PCBP3: variants seen among roughly 807,000 people sequenced by gnomAD.
The protein encoded by PCBP3 is poly(rC) binding protein 3, also known as poly(rC)-binding protein 3.
PCBP3 carries 25 observed loss-of-function variants against 52.7 expected under a neutral mutation model. The ratio of observed to expected loss-of-function variants is 0.47; its 90% CI spans 0.35 to 0.66. The LOEUF (loss-of-function observed/expected upper bound fraction) is 0.66. PCBP3 is among the 30% of genes least tolerant of loss of function. PCBP3 has a pLI of 0.01. For missense variants in PCBP3, 391 were observed against 490.3 expected, an observed-to-expected ratio of 0.80 and a Z score of 1.91; for synonymous variants, 162 against 183.0, an observed-to-expected ratio of 0.89 and a Z score of 0.93.
At chr21:45,873,667 G>A (rs1350570654) in intron 5 of PCBP3, among the ~76,000 whole-genome samples, 2 of 152,190 alleles carry the variant, frequency 1.3e-5, no homozygotes, top group African/African-American at 4.8e-5. Context: ...CCGTGCAGGG[G>A]ACCACGCGCT....
intron 2 of PCBP3, among the ~76,000 whole-genome samples, chr21:45,686,932 GAGA>G (rs1245920534): frequency 6.6e-6 from 1 of 152,140 alleles, no homozygotes; most frequent in African/African-American, 2.4e-5. Context: ...AGAAGAGGAG[GAGA>G]AGAAGGTGTG....
At chr21:45,666,991 G>A (rs924669636) in intron 1 of PCBP3, among the ~76,000 whole-genome samples, 2 of 151,968 alleles carry the variant, frequency 1.3e-5, no homozygotes, top group African/African-American at 4.8e-5. Context: ...TCAGATCTGG[G>A]AGGTTTTCAA....
At chr21:45,665,143 T>A (rs2080710047) in intron 1 of PCBP3, among the ~76,000 whole-genome samples, 2 of 152,122 alleles carry the variant, frequency 1.3e-5, no homozygotes, top group Admixed American at 1.3e-4. Context: ...GGTTCATGCC[T>A]ATAATTCCAG....
chr21:45,886,468 C>T (rs2095526069), intron 5 of PCBP3, among the ~76,000 whole-genome samples: 1 of 146,590 alleles, frequency 6.8e-6, no homozygotes, highest in Admixed American at 6.7e-5. Flanking sequence ...GAGGAGGCCT[C>T]ATTGCCGCGG....
In PCBP3 at chr21:45,909,499, T is replaced by A; in HGVS notation, c.471+13T>A. ...GGAGATCAGGGAGGTAACAGGACCT[T>A]CCCAGCCTGGGCCGCTGCGGAGCCT... On this transcript the variant is annotated intron_variant, in intron 10 of 17. Coordinates refer to ENST00000681687, the MANE Select transcript of PCBP3 (RefSeq NM_001384156.1). 6.2e-7 allele frequency: 1 copy of A among 1,611,106 alleles called. No homozygotes were observed.
At chr21:45,782,037 A>G (rs569376611) in intron 4 of PCBP3, among the ~76,000 whole-genome samples, 3 of 143,732 alleles carry the variant, frequency 2.1e-5, no homozygotes, top group South Asian at 5.1e-4. Flanking sequence ...ATTCCATTAT[A>G]TATCTCAAAG....
intron 1 of PCBP3, among the ~76,000 whole-genome samples, chr21:45,660,971 G>T (rs1193598752): frequency 6.6e-6 from 1 of 152,010 alleles, no homozygotes; most frequent in Non-Finnish European, 1.5e-5. Context: ...AACCCAGGAG[G>T]CAGAGGTTGC....
intron 9 of PCBP3, among the ~76,000 whole-genome samples, chr21:45,907,803 G>T (rs1001363059): frequency 6.6e-6 from 1 of 151,574 alleles, no homozygotes; most frequent in Non-Finnish European, 1.5e-5. Context: ...GTTTTAGGAG[G>T]GCTGGAAAAG....
At chr21:45,824,163 G>C (rs78452540) in intron 4 of PCBP3, among the ~76,000 whole-genome samples, 19 of 152,168 alleles carry the variant, frequency 1.2e-4, no homozygotes, top group African/African-American at 4.6e-4. Flanking sequence ...GGCAGGGGAT[G>C]TGCTGAGCCC....
At chr21:45,795,353 TTCTCTC>T (rs145062644) in intron 4 of PCBP3, among the ~76,000 whole-genome samples, 2 of 151,112 alleles carry the variant, frequency 1.3e-5, no homozygotes, top group East Asian at 3.9e-4. Flanking sequence ...TTTCTTTACC[TTCTCTC>T]TCTCTCTCCA....
At chr21:45,811,243 T>G (rs1206947101) in intron 4 of PCBP3, among the ~76,000 whole-genome samples, 2 of 152,240 alleles carry the variant, frequency 1.3e-5, no homozygotes, top group Non-Finnish European at 2.9e-5. Flanking sequence ...ACCTTTCAGT[T>G]CTGCTGATGA....
chr21:45,900,701 A>G, intron 8 of PCBP3, 78 bp downstream of exon 8: 1 of 1,085,718 alleles, frequency 9.2e-7, no homozygotes, highest in East Asian at 2.4e-5. Context: ...GCCCCTGCCG[A>G]CGTCCTGCCT....
intron 2 of PCBP3, among the ~76,000 whole-genome samples, chr21:45,708,149 A>G (rs1010719941): frequency 1.3e-5 from 2 of 152,188 alleles, no homozygotes; most frequent in Admixed American, 6.5e-5. Flanking sequence ...AAATTGGGAA[A>G]AAGCTTTAGA....
At chr21:45,707,522 A>C (rs1423708082) in intron 2 of PCBP3, among the ~76,000 whole-genome samples, 2 of 152,302 alleles carry the variant, frequency 1.3e-5, no homozygotes, top group African/African-American at 4.8e-5. Context: ...TCTCAAAAAT[A>C]AATAAATAAT....
intron 2 of PCBP3, among the ~76,000 whole-genome samples, chr21:45,688,474 C>T (rs1011073965): frequency 1.3e-5 from 2 of 152,084 alleles, no homozygotes; most frequent in African/African-American, 4.8e-5. Context: ...ACAGCTAAGG[C>T]AGTGGTTACG....
At position 45,788,016 on chromosome 21, in the gene PCBP3, C is replaced by T. The variant is rs567760592; in HGVS notation, c.-126+32564C>T. Among the ~76,000 whole-genome samples the T allele has an allele frequency of 1.3e-5, 2 of 152,196 alleles. No individual in the cohort carries two copies. Among genetic ancestry groups the T allele is most frequent in the South Asian group, 4.1e-4 (2 of 4,828 alleles). On this transcript the variant is annotated intron_variant, in intron 4 of 17. Coordinates refer to ENST00000681687, the MANE Select transcript of PCBP3 (RefSeq NM_001384156.1). This position sits in a 1 kb window ranked among gnomAD's most constrained non-coding sequence, Gnocchi z 4.3. Reference sequence around the variant, plus strand: ...AGACCTACGGGGGAAGATGGGGGCACCTACAGTTGCAAGGTGGGCACCAGT... The same window carrying T: ...AGACCTACGGGGGAAGATGGGGGCATCTACAGTTGCAAGGTGGGCACCAGT...
chr21:45,717,234 G>C (rs1407634425), intron 2 of PCBP3, among the ~76,000 whole-genome samples: 1 of 151,992 alleles, frequency 6.6e-6, no homozygotes, highest in African/African-American at 2.4e-5. Context: ...TAGTTTTTTA[G>C]TGGATTTCTT....
chr21:45,819,735 G>C, intron 4 of PCBP3, among the ~76,000 whole-genome samples: 1 of 152,228 alleles, frequency 6.6e-6, no homozygotes, highest in East Asian at 1.9e-4. Flanking sequence ...TCAAGGCCGG[G>C]GCCAGAGGGC....
At chr21:45,644,738 G>A (rs1038976998) in intron 1 of PCBP3, among the ~76,000 whole-genome samples, 1 of 152,072 alleles carries the variant, frequency 6.6e-6, no homozygotes, top group African/African-American at 2.4e-5. Flanking sequence ...AGTGGGATTC[G>A]CCAGAAGGAA....
Sources: allele counts gnomAD v4.1 joint callset (sites outside exome capture counted in the v4.1 genomes callset), GRCh38; gene constraint gnomAD v4.1.1; non-coding constraint Gnocchi (gnomAD v3.1); transcripts MANE v1.5; gene names NCBI Gene and HGNC (gene_info 2026-07-23, HGNC 2026-07-21).